Variants in DYNC2H1 observed in about 807,000 individuals in gnomAD.
DYNC2H1 encodes dynein cytoplasmic 2 heavy chain 1.
Under a neutral mutation model 570.0 loss-of-function variants are expected in DYNC2H1, and 410 were observed. The ratio of observed to expected loss-of-function variants is 0.72; its 90% confidence interval spans 0.66 to 0.78. The LOEUF (loss-of-function observed/expected upper bound fraction) is 0.78. Ranked by LOEUF, DYNC2H1 falls within the 30% of genes least tolerant of loss-of-function variation. The probability of loss-of-function intolerance (pLI) is 0.00; values close to 1 mark genes in which losing one functional copy is unlikely to be tolerated. For synonymous variants in DYNC2H1, 1,688 were observed against 1,677.6 expected (o/e 1.01, Z -0.15); for missense variants, 4,865 against 5,046.4 (o/e 0.96, Z 1.09).
chr11:103,120,378 A>C, intron 6 of DYNC2H1, 69 bp from the exon 7 acceptor site: 4 of 1,350,770 alleles, frequency 3.0e-6, no homozygotes, highest in Non-Finnish European at 3.9e-6. Flanking sequence ...CAATATATCT[A>C]GATTTTAGAC....
chr11:103,308,169 T>C (rs1454931920), intron 78 of DYNC2H1, among the ~76,000 whole-genome samples: 1 of 152,214 alleles, frequency 6.6e-6, no homozygotes, highest in African/African-American at 2.4e-5. Flanking sequence ...CTATGACCAT[T>C]GAAGAGCAAC....
At chr11:103,467,272 T>C (rs1004493786) in intron 87 of DYNC2H1, among the ~76,000 whole-genome samples, 23 of 152,192 alleles carry the variant, frequency 1.5e-4, no homozygotes, top group Non-Finnish European at 2.5e-4. Context: ...AATTATATTA[T>C]CATCCCAGCT....
At chr11:103,224,321 T>C (rs1030847373) in intron 59 of DYNC2H1, among the ~76,000 whole-genome samples, 12 of 152,318 alleles carry the variant, frequency 7.9e-5, no homozygotes, top group African/African-American at 2.9e-4. Flanking sequence ...AAATCTTTAG[T>C]GGTGATTTCA....
Position 103,461,485 on chromosome 11 carries a change from G to T in DYNC2H1, c.12648+5129G>T, listed in dbSNP as rs75704942. Reference sequence around the variant, plus strand: ...TTATTGATCTATTATGTGTTAAATAGTACTTGAAAACTTGATATTGCAAAA... The same window carrying T: ...TTATTGATCTATTATGTGTTAAATATTACTTGAAAACTTGATATTGCAAAA... On this transcript the variant is annotated intron_variant, in intron 87 of 88. Transcript: ENST00000375735. The surrounding 1 kb of genome is among the most constrained non-coding windows in gnomAD (Gnocchi z 4.8). 2.4e-4 allele frequency among the ~76,000 whole-genome samples: 36 copies of T among 152,164 alleles called. 1 individual carries two copies. In the East Asian group the frequency reaches 6.8e-3, roughly 29 times the overall value.
intron 82 of DYNC2H1, among the ~76,000 whole-genome samples, chr11:103,351,212 T>A (rs1013133811): frequency 1.3e-5 from 2 of 152,182 alleles, no homozygotes; most frequent in African/African-American, 4.8e-5. Context: ...TAGACGGTGC[T>A]GGCTATTAGC....
At chr11:103,366,845 C>A (rs1252366673) in intron 83 of DYNC2H1, among the ~76,000 whole-genome samples, 1 of 152,086 alleles carries the variant, frequency 6.6e-6, no homozygotes, top group East Asian at 1.9e-4. Flanking sequence ...AATGAAATTG[C>A]TCTGTAATCT....
chr11:103,113,569 G>A lies in DYNC2H1; in HGVS notation c.228G>A (p.Leu76=), dbSNP rs745456043. The part of the protein sequence containing the change: ...IEFGDTKDKV[L]VFFKLRPEVI... Reference sequence around the variant, plus strand: ...TTGGTGACACAAAAGATAAAGTGCTGGTGTTTTTCAAGCTGCGACCTGAAG... The same window carrying A: ...TTGGTGACACAAAAGATAAAGTGCTAGTGTTTTTCAAGCTGCGACCTGAAG... Residue 76 remains leucine, a synonymous_variant, in exon 2 of 89, where the codon CTG becomes CTA. Coordinates refer to ENST00000375735, the MANE Select transcript of DYNC2H1 (RefSeq NM_001377.3). 3 of 1,575,606 alleles carry A rather than the reference G, an allele frequency of 1.9e-6. No homozygotes were observed. Among genetic ancestry groups the A allele is most frequent in the Non-Finnish European group, 1.7e-6 (2 of 1,165,984 alleles).
intron 83 of DYNC2H1, among the ~76,000 whole-genome samples, chr11:103,364,425 C>T (rs986624292): frequency 2.6e-5 from 4 of 151,886 alleles, no homozygotes; most frequent in Non-Finnish European, 5.9e-5. Flanking sequence ...GGCTGCTTTA[C>T]AGTCCTTGTT....
chr11:103,120,838 C>A, intron 8 of DYNC2H1, 36 bp downstream of exon 8: 4 of 1,292,444 alleles, frequency 3.1e-6, no homozygotes, highest in Non-Finnish European at 4.1e-6. Flanking sequence ...TAATATTTCT[C>A]TTAAGCTAAT....
At chr11:103,474,032 G>T in intron 88 of DYNC2H1, 1 of 189,806 alleles carries the variant, frequency 5.3e-6, no homozygotes, top group South Asian at 7.3e-5. Context: ...TATACACTCT[G>T]GTTTAAAAAT....
chr11:103,298,214 G>GTT (rs150520776), intron 75 of DYNC2H1, among the ~76,000 whole-genome samples: 3 of 151,522 alleles, frequency 2.0e-5, no homozygotes, highest in African/African-American at 7.3e-5. Context: ...TCTTTTTCTT[G>GTT]TTTTTTTTAC....
chr11:103,159,130 A>G (rs969477305), intron 28 of DYNC2H1, 103 bp downstream of exon 28: 2 of 810,998 alleles, frequency 2.5e-6, no homozygotes, highest in African/African-American at 3.5e-5. Flanking sequence ...CAGTCAGTTC[A>G]TATACCCAAA....
At chr11:103,475,765 A>G (rs548373231) in intron 88 of DYNC2H1, among the ~76,000 whole-genome samples, 6 of 152,280 alleles carry the variant, frequency 3.9e-5, no homozygotes, top group African/African-American at 1.2e-4. Context: ...AAACTAGTAA[A>G]CTGTTAGTGA....
Position 103,189,706 on chromosome 11 carries a change from G to A in DYNC2H1, c.7327G>A (p.Gly2443Arg). ...PEREQLQTIY[G>R]AYLEPVLHKN... ...AAGAGAGCAGTTACAAACGATTTAT[G>A]GAGCATATTTGGAACCAGTTCTACA... The change falls in exon 45 of 89, where the codon GGA becomes AGA. Residue 2443 changes from glycine (G) to arginine (R), a missense_variant. Gly to Arg is a moderately radical substitution (Grantham distance 125). Coordinates refer to ENST00000375735, the MANE Select transcript of DYNC2H1 (RefSeq NM_001377.3). This position sits in a 1 kb window ranked among gnomAD's most constrained non-coding sequence, Gnocchi z 4.3. 6.2e-7 allele frequency: 1 copy of A among 1,612,836 alleles called. No individual in the cohort carries two copies. The highest frequency in any genetic ancestry group is 8.5e-7 in the Non-Finnish European group (1 of 1,179,370).
intron 70 of DYNC2H1, among the ~76,000 whole-genome samples, chr11:103,266,597 T>C (rs1310223883): frequency 1.3e-5 from 2 of 152,144 alleles, no homozygotes; most frequent in African/African-American, 4.8e-5. Flanking sequence ...TTTCACATGC[T>C]GGTATGGCAA....
chr11:103,407,792 A>C (rs1208299144), intron 84 of DYNC2H1: 1 of 152,008 alleles, frequency 6.6e-6, no homozygotes, highest in Non-Finnish European at 1.5e-5. Context: ...TTAGCTCAAA[A>C]GGGCCCCAGT....
chr11:103,152,286 G>T lies in DYNC2H1; in HGVS notation c.3096+1G>T. 1 of 1,575,436 alleles carries T rather than the reference G, an allele frequency of 6.3e-7. No homozygotes were observed. Among genetic ancestry groups the T allele is most frequent in the Non-Finnish European group, 8.6e-7 (1 of 1,168,556 alleles). ...TCACCAACTTATGATTAAAGACCAG[G>T]TTAGAATCTTTTAATTATTTATTAA... On this transcript the variant is annotated splice_donor_variant, in intron 21 of 88. Transcript: ENST00000375735. LOFTEE classifies it high-confidence loss of function.
intron 77 of DYNC2H1, among the ~76,000 whole-genome samples, chr11:103,306,360 G>A (rs111541003): frequency 5.9e-5 from 9 of 152,150 alleles, no homozygotes; most frequent in East Asian, 5.8e-4. Context: ...ATTAGAACTC[G>A]TAGAAACAGT....
At position 103,155,428 on chromosome 11, in the gene DYNC2H1, G is replaced by A; in HGVS notation, c.3671G>A (p.Ser1224Asn). The change falls in exon 25 of 89, where the codon AGT (serine) becomes AAT (asparagine). Residue 1224 changes from serine to asparagine, a missense_variant. By Grantham distance (46) the Ser-to-Asn change is conservative. This residue lies in a region of DYNC2H1 where 1,936 missense variants were observed against 1,962.1 expected (regional missense o/e 0.99). Transcript: ENST00000375735. ...FRLLGLPRGT[S>N]LEKLLFGDLL... ...CTCCTTGGACTTCCTAGGGGGACTAGTCTAGAGAAACTACTGTTTGGTGAT... is the reference window on the plus strand; with the variant it reads ...CTCCTTGGACTTCCTAGGGGGACTAATCTAGAGAAACTACTGTTTGGTGAT... 6.2e-7 allele frequency: 1 copy of A among 1,612,608 alleles called. No homozygotes were observed. The highest frequency in any genetic ancestry group is 2.2e-5 in the East Asian group (1 of 44,774).
Sources: allele counts gnomAD v4.1 joint callset (sites outside exome capture counted in the v4.1 genomes callset), GRCh38; gene constraint gnomAD v4.1.1; regional missense constraint gnomAD v4.1.1; non-coding constraint Gnocchi (gnomAD v3.1); transcripts MANE v1.5; gene names NCBI Gene and HGNC (gene_info 2026-07-23, HGNC 2026-07-21).